Variants in STK31 observed in about 807,000 individuals in gnomAD.
STK31 encodes serine/threonine kinase 31, also known as serine/threonine-protein kinase 31.
In STK31, 89 loss-of-function variants were observed where a neutral mutation model predicts 129.7. The ratio of observed to expected loss-of-function variants is 0.69; its 90% confidence interval spans 0.58 to 0.82. STK31 has a LOEUF of 0.82. Among genes scored for constraint, STK31 ranks in the 40% least tolerant of loss-of-function variants. The pLI is 0.00. For missense variants in STK31, 1,187 were observed against 1,176.4 expected (o/e 1.01, Z -0.13); for synonymous variants, 448 against 395.3 (o/e 1.13, Z -1.58).
chr7:23,779,834 A>C (rs889204113), intron 15 of STK31, among the ~76,000 whole-genome samples: 77 of 152,200 alleles, frequency 5.1e-4, no homozygotes, highest in African/African-American at 1.8e-3. Context: ...CCCTCTTTTC[A>C]GGGGAGTCAA....
chr7:23,726,691 A>G (rs1218939899), intron 4 of STK31, among the ~76,000 whole-genome samples: 1 of 152,048 alleles, frequency 6.6e-6, no homozygotes, highest in Non-Finnish European at 1.5e-5. Flanking sequence ...ACATCATTCA[A>G]TTGAGATATA....
chr7:23,719,351 C>G (rs1236085421), intron 4 of STK31, among the ~76,000 whole-genome samples: 1 of 151,906 alleles, frequency 6.6e-6, no homozygotes, highest in Non-Finnish European at 1.5e-5. Flanking sequence ...ATATCCTCAA[C>G]AAAAACTCCC....
intron 23 of STK31, among the ~76,000 whole-genome samples, chr7:23,823,485 T>C (rs887932358): frequency 9.2e-5 from 14 of 152,222 alleles, no homozygotes; most frequent in African/African-American, 2.9e-4. Flanking sequence ...TCATTGTAGA[T>C]TCTGGATATT....
At chr7:23,750,592 C>T (rs1159209094) in intron 8 of STK31, among the ~76,000 whole-genome samples, 1 of 152,188 alleles carries the variant, frequency 6.6e-6, no homozygotes, top group Non-Finnish European at 1.5e-5. Flanking sequence ...GCTTTATTTA[C>T]AAACCACAAA....
intron 6 of STK31, among the ~76,000 whole-genome samples, chr7:23,730,561 G>A (rs888456734): frequency 7.2e-5 from 11 of 151,762 alleles, no homozygotes; most frequent in South Asian, 4.2e-4. Flanking sequence ...TCTTGTTTAC[G>A]GACCTTAGAA....
rs56363240 is a variant in STK31 at position 23,742,952 on chromosome 7, CTTT to C, written c.1017+5890_1017+5892del. On this transcript the variant is annotated intron_variant, in intron 8 of 23. Transcript: ENST00000355870. ...TTTGCTTTACTCTGTGGGTTTTATA[CTTT>C]TTTTTTTTTTTTTTTGAGACAGAGT... Among the ~76,000 whole-genome samples, 933 of 115,536 alleles carry C rather than the reference CTTT, an allele frequency of 8.1e-3. 8 individuals are homozygous for C. Among genetic ancestry groups the C allele is most frequent in the South Asian group, 0.037 (123 of 3,360 alleles). 75.8% of individuals were successfully genotyped at this position (115,536 alleles called of 152,430 possible).
At position 23,735,837 on chromosome 7, in the gene STK31, G is replaced by A. The variant is rs770694250; in HGVS notation, c.783G>A (p.Glu261=). 2 of 1,607,282 alleles carry A rather than the reference G, an allele frequency of 1.2e-6. No homozygotes were observed. Among genetic ancestry groups the A allele is most frequent in the Non-Finnish European group, 1.7e-6 (2 of 1,176,068 alleles). ...GCAGGCCCAAGGGGCACTTAAGTGA[G>A]AAAATGACTCTTGACTTGAAGGATG... is the stretch of plus-strand genomic sequence containing the variant. The part of the protein sequence containing the change: ...TFSRPKGHLS[E]KMTLDLKDEN... The change falls in exon 7 of 24, where the codon GAG becomes GAA. Residue 261 remains glutamate, a synonymous_variant. Coordinates refer to ENST00000355870, the MANE Select transcript of STK31 (RefSeq NM_031414.5).
At chr7:23,720,506 A>G (rs1395691706) in intron 4 of STK31, among the ~76,000 whole-genome samples, 2 of 152,170 alleles carry the variant, frequency 1.3e-5, no homozygotes, top group African/African-American at 4.8e-5. Flanking sequence ...AATGCTTTAT[A>G]TAGTGAACTA....
rs555373307 is a variant in STK31 at position 23,780,400 on chromosome 7, G to A, written c.1966-1019G>A. 4.3e-3 allele frequency among the ~76,000 whole-genome samples: 648 copies of A among 152,258 alleles called. 9 individuals carry two copies. Among genetic ancestry groups the A allele is most frequent in the Middle Eastern group, 0.02 (6 of 294 alleles). On this transcript the variant is annotated intron_variant, in intron 15 of 23. Transcript: ENST00000355870. Reference sequence around the variant, plus strand: ...TGCCAAGGTTAAGGATGCATGCCTGGGAGGCAGGTCTGTGCCTTTCTCAGA... The same window carrying A: ...TGCCAAGGTTAAGGATGCATGCCTGAGAGGCAGGTCTGTGCCTTTCTCAGA...
chr7:23,786,886 C>T lies in STK31; in HGVS notation c.2449C>T (p.Leu817=). The T allele has an allele frequency of 5.6e-6, 9 of 1,613,894 alleles. No individual in the cohort carries two copies. The highest frequency in any genetic ancestry group is 7.6e-6 in the Non-Finnish European group (9 of 1,179,900). ...GGTCCCATACTACCCTAGGGCAAAC[C>T]TGAATGCTGTTCAAGCCAACATGCC... ...LMVPYYPRAN[L]NAVQANMPLN... Residue 817 remains leucine, a synonymous_variant, in exon 20 of 24, where the codon CTG becomes TTG. Coordinates refer to ENST00000355870, the MANE Select transcript of STK31 (RefSeq NM_031414.5).
At chr7:23,805,164 C>T (rs1033481208) in intron 22 of STK31, among the ~76,000 whole-genome samples, 2 of 151,248 alleles carry the variant, frequency 1.3e-5, no homozygotes, top group Non-Finnish European at 2.9e-5. Flanking sequence ...CAACCTCTGC[C>T]TCCTAGGTTC....
chr7:23,760,308 A>T (rs1288363269), intron 10 of STK31, among the ~76,000 whole-genome samples: 1 of 152,142 alleles, frequency 6.6e-6, no homozygotes, highest in Non-Finnish European at 1.5e-5. Context: ...CTTACTCCCT[A>T]GTCATACCTA....
intron 22 of STK31, chr7:23,811,041 G>T (rs375074584): frequency 6.4e-6 from 1 of 155,982 alleles, no homozygotes; most frequent in African/African-American, 2.4e-5. Flanking sequence ...AACTCAAGAT[G>T]ACATTATTCC....
chr7:23,712,174 G>A (rs772520604), intron 2 of STK31, 29 bp downstream of exon 2: 9 of 1,613,694 alleles, frequency 5.6e-6, no homozygotes, highest in Non-Finnish European at 6.8e-6. Flanking sequence ...ATTTTGGGGT[G>A]TAAGAGCTAG....
intron 4 of STK31, 84 bp downstream of exon 4, chr7:23,717,663 G>A (rs1786432438): frequency 2.8e-6 from 3 of 1,071,428 alleles, no homozygotes; most frequent in South Asian, 1.5e-5. Context: ...GGAGTTCCTG[G>A]TATATTTGAA....
At chr7:23,805,587 G>A (rs1212159145) in intron 22 of STK31, among the ~76,000 whole-genome samples, 2 of 152,044 alleles carry the variant, frequency 1.3e-5, no homozygotes, top group South Asian at 4.1e-4. Context: ...GGGCTCAAGT[G>A]ATCCTCCTGC....
At chr7:23,805,865 C>G (rs1410116990) in intron 22 of STK31, among the ~76,000 whole-genome samples, 1 of 152,188 alleles carries the variant, frequency 6.6e-6, no homozygotes, top group Non-Finnish European at 1.5e-5. Context: ...GCACATAGAA[C>G]ATGTTTGGAA....
chr7:23,783,403 A>G (rs1294882313), intron 16 of STK31, among the ~76,000 whole-genome samples, 180 bp from the exon 17 acceptor site: 1 of 152,178 alleles, frequency 6.6e-6, no homozygotes, highest in Non-Finnish European at 1.5e-5. Flanking sequence ...TTGCTTTAGC[A>G]GATGCAAGGT....
intron 15 of STK31, among the ~76,000 whole-genome samples, chr7:23,779,588 C>T (rs955711041): frequency 5.9e-5 from 9 of 152,294 alleles, no homozygotes; most frequent in South Asian, 2.1e-4. Context: ...TGCTGGGCTG[C>T]GGTGAGCTCC....
Sources: allele counts gnomAD v4.1 joint callset (sites outside exome capture counted in the v4.1 genomes callset), GRCh38; gene constraint gnomAD v4.1.1; transcripts MANE v1.5; gene names NCBI Gene and HGNC (gene_info 2026-07-23, HGNC 2026-07-21).